The following PRR16 variants were observed in gnomAD, a reference collection of about 807,000 sequenced individuals.
PRR16 encodes the protein protein Largen.
A neutral mutation model predicts 18.2 loss-of-function variants in PRR16; 6 were observed. The observed-to-expected ratio is 0.33, with a 90% CI of 0.18 to 0.65. The LOEUF (loss-of-function observed/expected upper bound fraction) is 0.65, where lower values mean the gene tolerates loss of function less well. Ranked by LOEUF, PRR16 falls within the 30% of genes least tolerant of loss-of-function variation. The pLI is 0.74. For missense variants in PRR16, 412 were observed against 376.6 expected, an observed-to-expected ratio of 1.09 and a Z score of -0.78; for synonymous variants, 151 against 147.8, an observed-to-expected ratio of 1.02 and a Z score of -0.16.
At chr5:120,474,828 T>C (rs1222536359) in intron 1 of PRR16, among the ~76,000 whole-genome samples, 1 of 152,176 alleles carries the variant, frequency 6.6e-6, no homozygotes, top group East Asian at 1.9e-4. Context: ...TCAGAAAGAA[T>C]GAAGGGAGCA....
chr5:120,633,297 C>G (rs1411368423), intron 1 of PRR16, among the ~76,000 whole-genome samples: 1 of 152,030 alleles, frequency 6.6e-6, no homozygotes, highest in Admixed American at 6.6e-5. Context: ...ACCTATGTAA[C>G]AATAACACAA....
At chr5:120,745,708 T>A in the PRR16 span, among the ~76,000 whole-genome samples, 11 of 151,536 alleles carry the variant, frequency 7.3e-5, no homozygotes, top group Non-Finnish European at 1.3e-4. Context: ...TTATTTATTT[T>A]TAATTTTTGA....
chr5:120,762,417 T>C, the PRR16 span, among the ~76,000 whole-genome samples: 3 of 152,260 alleles, frequency 2.0e-5, no homozygotes, highest in South Asian at 4.1e-4. Flanking sequence ...TAAGATAATA[T>C]ATTATTGTGA....
intron 1 of PRR16, chr5:120,465,535 G>A (rs1247726273): frequency 6.6e-6 from 1 of 152,524 alleles, no homozygotes; most frequent in Non-Finnish European, 1.5e-5. Context: ...GAAAGAAGCA[G>A]AGAAGGTGTC....
intron 1 of PRR16, among the ~76,000 whole-genome samples, chr5:120,639,068 A>G (rs1755339071): frequency 6.6e-6 from 1 of 152,094 alleles, no homozygotes; most frequent in African/African-American, 2.4e-5. Flanking sequence ...TTAATATAGA[A>G]TCTATGCTGT....
the PRR16 span, among the ~76,000 whole-genome samples, chr5:120,780,514 G>A: frequency 6.6e-6 from 1 of 151,904 alleles, no homozygotes; most frequent in Non-Finnish European, 1.5e-5. Context: ...AAACATTTTC[G>A]TTTTACATCA....
intron 1 of PRR16, among the ~76,000 whole-genome samples, chr5:120,603,239 A>G (rs1434097407): frequency 6.6e-6 from 1 of 151,366 alleles, no homozygotes; most frequent in African/African-American, 2.4e-5. Context: ...GCAATTTGGA[A>G]CTCGTAATTA....
chr5:120,793,728 T>C, the PRR16 span, among the ~76,000 whole-genome samples: 4 of 152,186 alleles, frequency 2.6e-5, no homozygotes, highest in Non-Finnish European at 2.9e-5. Context: ...AGTATAGTCA[T>C]GTATTGCTTA....
At chr5:120,620,135 C>T (rs1427017689) in intron 1 of PRR16, among the ~76,000 whole-genome samples, 1 of 152,074 alleles carries the variant, frequency 6.6e-6, no homozygotes, top group Non-Finnish European at 1.5e-5. Flanking sequence ...TTTGGTGTTT[C>T]TGTGAAATGG....
intron 1 of PRR16, among the ~76,000 whole-genome samples, chr5:120,629,045 C>T (rs1035934652): frequency 6.6e-6 from 1 of 151,972 alleles, no homozygotes; most frequent in East Asian, 1.9e-4. Context: ...ACTCTCCATG[C>T]TCAAATAGGC....
chr5:120,793,764 G>A, the PRR16 span, among the ~76,000 whole-genome samples: 1 of 152,172 alleles, frequency 6.6e-6, no homozygotes, highest in African/African-American at 2.4e-5. Flanking sequence ...TCTGAAAAAT[G>A]AGGAGTTAGG....
At chr5:120,785,589 T>TTTTTTTTTTTTTTTTTTTTAG in the PRR16 span, among the ~76,000 whole-genome samples, 1 of 144,100 alleles carries the variant, frequency 6.9e-6, no homozygotes, top group South Asian at 2.2e-4. Flanking sequence ...TTTTTTTTTT[T>TTTTTTTTTTTTTTTTTTTTAG]TGAGACAGAG....
At chr5:120,630,097 A>C (rs987939847) in intron 1 of PRR16, among the ~76,000 whole-genome samples, 4 of 152,070 alleles carry the variant, frequency 2.6e-5, no homozygotes, top group African/African-American at 9.7e-5. Context: ...AATTCTTTAA[A>C]TACTAATTTA....
chr5:120,681,072 C>T (rs1351114576), intron 1 of PRR16, among the ~76,000 whole-genome samples: 2 of 152,048 alleles, frequency 1.3e-5, no homozygotes, highest in Non-Finnish European at 2.9e-5. Flanking sequence ...TATTGTCTTT[C>T]TGTGTCTCTT....
intron 1 of PRR16, among the ~76,000 whole-genome samples, chr5:120,637,523 A>G (rs1047257517): frequency 2.6e-5 from 4 of 152,090 alleles, no homozygotes; most frequent in African/African-American, 4.8e-5. Flanking sequence ...GGAATTGGAG[A>G]CTATTATTCT....
At chr5:120,628,536 GA>G (rs896583079) in intron 1 of PRR16, among the ~76,000 whole-genome samples, 18 of 152,142 alleles carry the variant, frequency 1.2e-4, no homozygotes, top group African/African-American at 3.9e-4. Flanking sequence ...GTGATAAAGT[GA>G]AAAGGATAAA....
At chr5:120,480,157 C>A (rs1749564944) in intron 1 of PRR16, among the ~76,000 whole-genome samples, 2 of 152,110 alleles carry the variant, frequency 1.3e-5, no homozygotes, top group South Asian at 4.1e-4. Flanking sequence ...AGCCTGTAAT[C>A]CCAGCTACTC....
At chr5:120,727,650 A>G in the PRR16 span, among the ~76,000 whole-genome samples, 1 of 152,146 alleles carries the variant, frequency 6.6e-6, no homozygotes, top group Non-Finnish European at 1.5e-5. Context: ...GATTTAACAA[A>G]CAATGTGGTT....
chr5:120,775,019 G>T, the PRR16 span, among the ~76,000 whole-genome samples: 38 of 151,922 alleles, frequency 2.5e-4, no homozygotes, highest in African/African-American at 8.2e-4. Flanking sequence ...TTGTTTTTCC[G>T]CACATACTCT....
Sources: gnomAD v4.1 joint callset for allele counts (sites outside exome capture counted in the v4.1 genomes callset) on GRCh38, gnomAD v4.1.1 for gene constraint, MANE v1.5 for transcripts, NCBI Gene and HGNC (gene_info 2026-07-23, HGNC 2026-07-21) for gene names.